Variants in PEBP4 observed in about 807,000 individuals in gnomAD.
The protein encoded by PEBP4 is phosphatidylethanolamine binding protein 4, also known as phosphatidylethanolamine-binding protein 4.
A neutral mutation model predicts 23.9 loss-of-function variants in PEBP4; 22 were observed. The ratio of observed to expected loss-of-function variants is 0.92; its 90% CI spans 0.66 to 1.31. The LOEUF (loss-of-function observed/expected upper bound fraction) is 1.31. PEBP4 is among the 40% of genes most tolerant of loss of function. PEBP4 has a pLI of 0.00. For synonymous variants in PEBP4, 112 were observed against 99.3 expected (o/e 1.13, Z -0.76); for missense variants, 324 against 281.7 (o/e 1.15, Z -1.07).
chr8:22,914,299 G>A (rs1442057453), intron 3 of PEBP4, among the ~76,000 whole-genome samples: 2 of 152,012 alleles, frequency 1.3e-5, no homozygotes, highest in Non-Finnish European at 2.9e-5. Flanking sequence ...TCATTTTTTT[G>A]TAGAGATGGG....
At position 22,854,953 on chromosome 8, in the gene PEBP4, T is replaced by TGC. The variant is rs1454238751; in HGVS notation, c.259-37219_259-37218insGC. ...GTGTGTGTGTGTGTGTGTGTGTGTGTGTGCGTGCAAGCTTGTCCAAATGAG... is the reference window on the plus strand; with the variant it reads ...GTGTGTGTGTGTGTGTGTGTGTGTGTGCGTGCGTGCAAGCTTGTCCAAATGAG... On this transcript the variant is annotated intron_variant, in intron 3 of 6. Coordinates refer to ENST00000256404, the MANE Select transcript of PEBP4 (RefSeq NM_144962.3). Among the ~76,000 whole-genome samples the TGC allele has an allele frequency of 2.2e-5, 3 of 137,264 alleles. 1 individual carries two copies. Among genetic ancestry groups the TGC allele is most frequent in the East Asian group, 4.8e-4 (2 of 4,182 alleles). The allele number at this position is 137,264 out of a possible 152,430, so 90.1% of individuals were successfully genotyped here.
At chr8:22,799,552 TTATG>T (rs1465514103) in intron 4 of PEBP4, among the ~76,000 whole-genome samples, 2 of 152,242 alleles carry the variant, frequency 1.3e-5, no homozygotes, top group African/African-American at 4.8e-5. Context: ...CTTTATTTAT[TTATG>T]TATTTATTTT....
chr8:22,863,858 T>G (rs1043479266), intron 3 of PEBP4, among the ~76,000 whole-genome samples: 65 of 152,344 alleles, frequency 4.3e-4, no homozygotes, highest in Non-Finnish European at 8.7e-4. Context: ...TGTGTCACTC[T>G]GGATCTCCAG....
At chr8:22,861,951 GA>G (rs1330726981) in intron 3 of PEBP4, among the ~76,000 whole-genome samples, 1 of 152,174 alleles carries the variant, frequency 6.6e-6, no homozygotes, top group African/African-American at 2.4e-5. Context: ...TCGGGAGCAC[GA>G]AGTCATTCTC....
intron 2 of PEBP4, among the ~76,000 whole-genome samples, chr8:22,921,415 T>A (rs1479682885): frequency 2.0e-5 from 3 of 152,170 alleles, no homozygotes; most frequent in African/African-American, 7.2e-5. Context: ...TGTGAGGATG[T>A]AATTTGGAGA....
chr8:22,901,421 C>G (rs1423375561), intron 3 of PEBP4, among the ~76,000 whole-genome samples: 1 of 152,192 alleles, frequency 6.6e-6, no homozygotes, highest in Non-Finnish European at 1.5e-5. Flanking sequence ...TCTCTGCCCT[C>G]TTGGAACTAC....
intron 6 of PEBP4, 87 bp from the exon 7 acceptor site, chr8:22,713,623 G>A (rs1003419318): frequency 1.3e-5 from 21 of 1,573,994 alleles, no homozygotes; most frequent in South Asian, 4.5e-5. Context: ...AGGCCGGCTC[G>A]TGGGAGCCGA....
At chr8:22,830,113 TTGTG>T (rs3060706) in intron 3 of PEBP4, among the ~76,000 whole-genome samples, 61 of 144,244 alleles carry the variant, frequency 4.2e-4, no homozygotes, top group Admixed American at 1.3e-3. Flanking sequence ...GGCTGTGGTT[TTGTG>T]TGTGTGTGTG....
chr8:22,762,952 C>T (rs146635896), intron 4 of PEBP4, among the ~76,000 whole-genome samples: 202 of 152,246 alleles, frequency 1.3e-3, no homozygotes, highest in Non-Finnish European at 2.1e-3. Context: ...TACACAAGAA[C>T]GACCAAGGGC....
At chr8:22,907,016 G>A (rs766864760) in intron 3 of PEBP4, among the ~76,000 whole-genome samples, 15 of 152,258 alleles carry the variant, frequency 9.9e-5, no homozygotes, top group Non-Finnish European at 1.9e-4. Context: ...AGAGCTAGGG[G>A]ATCTGGAAGG....
At chr8:22,769,444 G>C (rs898714413) in intron 4 of PEBP4, among the ~76,000 whole-genome samples, 2 of 152,184 alleles carry the variant, frequency 1.3e-5, no homozygotes, top group African/African-American at 4.8e-5. Flanking sequence ...TCTGAGTTCC[G>C]TTCTTAACCC....
At chr8:22,819,395 T>C (rs1806811264) in intron 3 of PEBP4, among the ~76,000 whole-genome samples, 1 of 152,194 alleles carries the variant, frequency 6.6e-6, no homozygotes, top group Admixed American at 6.5e-5. Flanking sequence ...ATCACTGTTA[T>C]CACGATAAGA....
intron 4 of PEBP4, among the ~76,000 whole-genome samples, chr8:22,730,039 C>G (rs1207857860): frequency 1.3e-5 from 2 of 152,236 alleles, no homozygotes; most frequent in East Asian, 3.9e-4. Context: ...ACCCCAGGCC[C>G]TTCGAGATCA....
intron 3 of PEBP4, among the ~76,000 whole-genome samples, chr8:22,843,833 A>G (rs919552668): frequency 1.3e-5 from 2 of 152,128 alleles, no homozygotes; most frequent in African/African-American, 4.8e-5. Context: ...AAAGAGGGAA[A>G]ACAAAGACCC....
At chr8:22,858,067 G>T (rs1432379396) in intron 3 of PEBP4, among the ~76,000 whole-genome samples, 3 of 152,158 alleles carry the variant, frequency 2.0e-5, no homozygotes, top group African/African-American at 7.2e-5. Context: ...GGTGACAAGG[G>T]CTGAGACATT....
intron 4 of PEBP4, among the ~76,000 whole-genome samples, chr8:22,786,115 G>T (rs1806021883): frequency 6.6e-6 from 1 of 152,130 alleles, no homozygotes; most frequent in Non-Finnish European, 1.5e-5. Flanking sequence ...CCTTCATCCG[G>T]CTTTTTGTCT....
intron 3 of PEBP4, among the ~76,000 whole-genome samples, chr8:22,864,119 T>G (rs566759784): frequency 6.6e-6 from 1 of 152,328 alleles, no homozygotes; most frequent in East Asian, 1.9e-4. Context: ...TGCTTTTTTC[T>G]GAACCTCGCG....
chr8:22,804,308 G>T (rs1050147454), intron 4 of PEBP4, among the ~76,000 whole-genome samples: 1 of 152,086 alleles, frequency 6.6e-6, no homozygotes, highest in Non-Finnish European at 1.5e-5. Flanking sequence ...TCCACCCTGG[G>T]CAACAGAATG....
Position 22,766,897 on chromosome 8 carries a change from G to A in PEBP4, c.358-39677C>T, listed in dbSNP as rs186169182. Among the ~76,000 whole-genome samples, 8 of 152,314 alleles carry A rather than the reference G, an allele frequency of 5.3e-5. No homozygotes were observed. In the East Asian group the frequency reaches 1.5e-3, roughly 29 times the overall value. On this transcript the variant is annotated intron_variant, in intron 4 of 6. Coordinates refer to ENST00000256404, the MANE Select transcript of PEBP4 (RefSeq NM_144962.3). ...TGGGTTTGAATGATTGCTTCTGCAA[G>A]CTAACAGCCATGTGGCCTTAGGTGA... is the stretch of plus-strand genomic sequence containing the variant.
Sources: allele counts gnomAD v4.1 joint callset (sites outside exome capture counted in the v4.1 genomes callset), GRCh38; gene constraint gnomAD v4.1.1; transcripts MANE v1.5; gene names NCBI Gene and HGNC (gene_info 2026-07-23, HGNC 2026-07-21).